The following ALK variants were observed in gnomAD, a reference collection of about 807,000 sequenced individuals.
ALK encodes the protein ALK receptor tyrosine kinase.
ALK carries 74 observed loss-of-function variants against 163.1 expected under a neutral mutation model. That is an observed-to-expected ratio of 0.45 (90% CI 0.38 to 0.55). ALK has a LOEUF of 0.55. ALK is among the 20% of genes least tolerant of loss of function. ALK has a pLI of 0.00. For synonymous variants in ALK, 960 were observed against 843.2 expected, an observed-to-expected ratio of 1.14 and a Z score of -2.40; for missense variants, 2,063 against 2,105.3, an observed-to-expected ratio of 0.98 and a Z score of 0.39.
chr2:29,225,625 C>G (rs2148176753), intron 18 of ALK, 60 bp from the exon 19 acceptor site: 1 of 1,438,368 alleles, frequency 7.0e-7, no homozygotes, highest in Non-Finnish European at 9.7e-7. Flanking sequence ...TGAGTTGGTC[C>G]CAAGTCAGAA....
chr2:29,532,259 C>T, intron 3 of ALK, 143 bp from the exon 4 acceptor site: 1 of 801,820 alleles, frequency 1.2e-6, no homozygotes, highest in East Asian at 2.7e-5. Context: ...ACCCAGCCTT[C>T]TTCCTCCATT....
chr2:29,674,344 G>T lies in ALK; in HGVS notation c.952+20506C>A, dbSNP rs1380165522. Among the ~76,000 whole-genome samples, 21 of 151,652 alleles carry T rather than the reference G, an allele frequency of 1.4e-4. 1 individual carries two copies. The East Asian group carries it at 3.9e-3, about 28-fold the overall frequency. ...GATAGCTCTTATTATTTTGAAATAC[G>T]TCCCATCAATACCTAATTTATTGGG... On this transcript the variant is annotated intron_variant, in intron 3 of 28. Transcript: ENST00000389048.
At chr2:29,599,983 C>T (rs756214212) in intron 3 of ALK, among the ~76,000 whole-genome samples, 6 of 152,098 alleles carry the variant, frequency 3.9e-5, no homozygotes, top group Non-Finnish European at 7.4e-5. Flanking sequence ...GATGTGATTA[C>T]CCATGGCGAG....
chr2:29,889,813 C>A (rs1667099942), intron 1 of ALK, among the ~76,000 whole-genome samples: 1 of 151,254 alleles, frequency 6.6e-6, no homozygotes, highest in Non-Finnish European at 1.5e-5. Flanking sequence ...TGGACACAGA[C>A]TCCAGTACTG....
intron 11 of ALK, among the ~76,000 whole-genome samples, chr2:29,274,890 G>T (rs1573183183): frequency 6.6e-6 from 1 of 152,182 alleles, no homozygotes; most frequent in Admixed American, 6.5e-5. Flanking sequence ...CTGCTCCTTT[G>T]TACAACCTCC....
chr2:29,532,189 T>C, intron 3 of ALK, 73 bp from the exon 4 acceptor site: 1 of 1,406,456 alleles, frequency 7.1e-7, no homozygotes, highest in East Asian at 2.4e-5. Flanking sequence ...TGGCAAGACT[T>C]AGAGACAAAT....
chr2:29,204,047 A>C (rs1363011493), intron 26 of ALK, among the ~76,000 whole-genome samples: 2 of 152,094 alleles, frequency 1.3e-5, no homozygotes, highest in African/African-American at 4.8e-5. Context: ...AGGTTTATTT[A>C]GCTTCACACT....
intron 5 of ALK, among the ~76,000 whole-genome samples, chr2:29,345,944 C>G (rs903232416): frequency 2.0e-5 from 3 of 152,192 alleles, no homozygotes; most frequent in African/African-American, 7.2e-5. Context: ...GAATGTATGT[C>G]AAATTGTTAA....
chr2:29,351,460 G>A (rs766793705), intron 5 of ALK, among the ~76,000 whole-genome samples: 2 of 152,112 alleles, frequency 1.3e-5, no homozygotes, highest in Non-Finnish European at 2.9e-5. Flanking sequence ...CATTGTCCAG[G>A]GACCAGTCCT....
intron 23 of ALK, among the ~76,000 whole-genome samples, chr2:29,215,464 A>G (rs1054587733): frequency 3.3e-5 from 5 of 152,190 alleles, no homozygotes; most frequent in African/African-American, 7.2e-5. Flanking sequence ...GCCCCAGAGC[A>G]CATACATGAT....
chr2:29,880,837 G>A (rs1367283732), intron 1 of ALK, among the ~76,000 whole-genome samples: 1 of 152,206 alleles, frequency 6.6e-6, no homozygotes, highest in Non-Finnish European at 1.5e-5. Flanking sequence ...GCAAGGTTTT[G>A]TGGCCACTTT....
chr2:29,382,525 T>C (rs1004113806), intron 5 of ALK, among the ~76,000 whole-genome samples: 4 of 152,182 alleles, frequency 2.6e-5, no homozygotes, highest in Non-Finnish European at 4.4e-5. Flanking sequence ...CTAATGATGA[T>C]CAAATGAGAA....
intron 8 of ALK, among the ~76,000 whole-genome samples, chr2:29,314,180 C>A (rs1301728529): frequency 6.6e-6 from 1 of 152,108 alleles, no homozygotes; most frequent in African/African-American, 2.4e-5. Context: ...AAATTCCCTG[C>A]CTTCGGGTGC....
At chr2:29,910,150 G>T (rs1667664611) in intron 1 of ALK, among the ~76,000 whole-genome samples, 1 of 152,050 alleles carries the variant, frequency 6.6e-6, no homozygotes, top group African/African-American at 2.4e-5. Flanking sequence ...CTTAGAGAAA[G>T]ACATAAACAT....
intron 1 of ALK, among the ~76,000 whole-genome samples, chr2:29,733,291 T>C (rs1679798870): frequency 6.6e-6 from 1 of 152,178 alleles, no homozygotes; most frequent in South Asian, 2.1e-4. Context: ...AGCTTTGAAA[T>C]GTCCTTGTTT....
chr2:29,772,658 TA>T (rs1388901073), intron 1 of ALK, among the ~76,000 whole-genome samples: 1 of 152,176 alleles, frequency 6.6e-6, no homozygotes, highest in African/African-American at 2.4e-5. Flanking sequence ...CTGAAAGAGT[TA>T]AAGGGCGTCT....
rs146610544 is a variant in ALK at position 29,864,043 on chromosome 2, C to T, written c.667+55950G>A. On this transcript the variant is annotated intron_variant, in intron 1 of 28. Coordinates refer to ENST00000389048, the MANE Select transcript of ALK (RefSeq NM_004304.5). ...TTATCTTATTTCATAATTATGATAA[C>T]CCAAAATATAAGTACTATTGTCCCC... Among the ~76,000 whole-genome samples the T allele has an allele frequency of 1.2e-3, 182 of 152,198 alleles. 1 individual carries two copies. The highest frequency in any genetic ancestry group is 4.2e-3 in the African/African-American group (174 of 41,522).
At chr2:29,887,955 C>T (rs947349355) in intron 1 of ALK, among the ~76,000 whole-genome samples, 3 of 152,170 alleles carry the variant, frequency 2.0e-5, no homozygotes, top group Non-Finnish European at 2.9e-5. Flanking sequence ...ACCAGGAAAA[C>T]CTTTGGCAGA....
chr2:29,751,375 C>T (rs770681391), intron 1 of ALK, among the ~76,000 whole-genome samples: 4 of 152,168 alleles, frequency 2.6e-5, no homozygotes, highest in Non-Finnish European at 4.4e-5. Context: ...TTTTCAGCTT[C>T]CTTATAAAGC....
Sources: allele counts gnomAD v4.1 joint callset (sites outside exome capture counted in the v4.1 genomes callset), GRCh38; gene constraint gnomAD v4.1.1; transcripts MANE v1.5; gene names NCBI Gene and HGNC (gene_info 2026-07-23, HGNC 2026-07-21).